The following CHL1 variants were observed in gnomAD, a reference collection of about 807,000 sequenced individuals.
The protein encoded by CHL1 is cell adhesion molecule L1 like.
CHL1 carries 96 observed loss-of-function variants against 141.9 expected under a neutral mutation model. The ratio of observed to expected loss-of-function variants is 0.68; its 90% CI spans 0.57 to 0.80. CHL1 has a LOEUF of 0.80. Among genes scored for constraint, CHL1 ranks in the 30% least tolerant of loss-of-function variants. The pLI is 0.00. For missense variants in CHL1, 1,820 were observed against 1,457.2 expected (o/e 1.25, Z -4.05); for synonymous variants, 613 against 502.2 (o/e 1.22, Z -2.95).
At chr3:387,132 T>C (rs529036709) in intron 19 of CHL1, among the ~76,000 whole-genome samples, 10 of 152,208 alleles carry the variant, frequency 6.6e-5, no homozygotes, top group Non-Finnish European at 1.3e-4. Context: ...GGGTCATAGA[T>C]CTCTTTGAAA....
chr3:356,255 A>C (rs1017589254), intron 11 of CHL1, among the ~76,000 whole-genome samples: 3 of 152,224 alleles, frequency 2.0e-5, no homozygotes, highest in Non-Finnish European at 4.4e-5. Flanking sequence ...AAAAGTAAGG[A>C]ACGCAGATTC....
intron 2 of CHL1, among the ~76,000 whole-genome samples, chr3:300,874 A>G (rs555808302): frequency 1.3e-5 from 2 of 152,316 alleles, no homozygotes; most frequent in Admixed American, 1.3e-4. Context: ...CCATCTAGGC[A>G]AAAGGTGATG....
chr3:229,915 A>G (rs955409858), intron 1 of CHL1, among the ~76,000 whole-genome samples: 1 of 152,098 alleles, frequency 6.6e-6, no homozygotes, highest in Non-Finnish European at 1.5e-5. Context: ...TCCGGAGCAC[A>G]TGGTCTCTCA....
intron 5 of CHL1, among the ~76,000 whole-genome samples, chr3:329,411 G>T (rs1370803983): frequency 6.6e-6 from 1 of 152,022 alleles, no homozygotes; most frequent in East Asian, 1.9e-4. Flanking sequence ...AGAGGGCATT[G>T]TATTTAAATT....
chr3:253,312 G>A (rs1011089462), intron 2 of CHL1, among the ~76,000 whole-genome samples: 2 of 152,098 alleles, frequency 1.3e-5, no homozygotes, highest in Non-Finnish European at 2.9e-5. Context: ...CAGTTAATGC[G>A]AGTTAGGTTG....
intron 2 of CHL1, among the ~76,000 whole-genome samples, chr3:256,589 A>G (rs1294821113): frequency 6.6e-6 from 1 of 152,184 alleles, no homozygotes; most frequent in African/African-American, 2.4e-5. Flanking sequence ...AGATGCTGCT[A>G]CATGTTCTGC....
At chr3:228,353 C>A (rs1245163119) in intron 1 of CHL1, among the ~76,000 whole-genome samples, 1 of 152,104 alleles carries the variant, frequency 6.6e-6, no homozygotes, top group Non-Finnish European at 1.5e-5. Context: ...CCCCAACCAC[C>A]AGAAAAATAT....
At chr3:331,658 A>G (rs1475900885) in intron 5 of CHL1, among the ~76,000 whole-genome samples, 1 of 152,210 alleles carries the variant, frequency 6.6e-6, no homozygotes, top group Non-Finnish European at 1.5e-5. Context: ...GAAAGTACAA[A>G]CAAAAATAAG....
chr3:233,671 C>A (rs941971019), intron 1 of CHL1, among the ~76,000 whole-genome samples: 1 of 152,096 alleles, frequency 6.6e-6, no homozygotes, highest in Non-Finnish European at 1.5e-5. Flanking sequence ...ATTAAGCTCA[C>A]ATTCTATAAA....
At chr3:334,852 CCTTCCCGTT>C (rs931351749) in intron 5 of CHL1, among the ~76,000 whole-genome samples, 19 of 152,080 alleles carry the variant, frequency 1.2e-4, no homozygotes, top group African/African-American at 4.6e-4. Context: ...ACTGTCATAT[CCTTCCCGTT>C]CTGCATTGCC....
intron 5 of CHL1, 104 bp downstream of exon 5, chr3:328,458 A>G: frequency 1.1e-6 from 1 of 913,462 alleles, no homozygotes; most frequent in Admixed American, 2.9e-5. Flanking sequence ...AACTAAATCA[A>G]CTTATATGTG....
At chr3:284,310 G>T (rs1559198766) in intron 2 of CHL1, among the ~76,000 whole-genome samples, 1 of 152,146 alleles carries the variant, frequency 6.6e-6, no homozygotes, top group Non-Finnish European at 1.5e-5. Context: ...ACAAAGATGT[G>T]AAAAATTTAT....
chr3:214,662 A>G (rs1700162430), intron 1 of CHL1, among the ~76,000 whole-genome samples: 1 of 152,194 alleles, frequency 6.6e-6, no homozygotes, highest in Non-Finnish European at 1.5e-5. Flanking sequence ...TTAGTAGTAG[A>G]TGTCCTTACT....
In CHL1 at chr3:342,015, C is replaced by G; in HGVS notation, c.612C>G (p.Cys204Trp). Residue 204 changes from cysteine (C) to tryptophan (W), a missense_variant, in exon 7 of 28, where the codon TGC becomes TGG. By Grantham distance (215) the Cys-to-Trp change is radical (BLOSUM62 -2). Coordinates refer to ENST00000256509, the MANE Select transcript of CHL1 (RefSeq NM_006614.4). ...AGGACAGTCGCAATGACTACTGTTG[C>G]TTTGCTGCATTTCCAAGATTAAGGA... The part of the protein sequence containing the change: ...EEKDSRNDYC[C>W]FAAFPRLRTI... 1 of 1,613,616 alleles carries G rather than the reference C, an allele frequency of 6.2e-7. No individual in the cohort carries two copies. Among genetic ancestry groups the G allele is most frequent in the Non-Finnish European group, 8.5e-7 (1 of 1,179,624 alleles).
At chr3:228,430 C>T (rs1002119833) in intron 1 of CHL1, among the ~76,000 whole-genome samples, 2 of 152,074 alleles carry the variant, frequency 1.3e-5, no homozygotes. Flanking sequence ...AAGGGGATCC[C>T]TGCACATGGA....
intron 1 of CHL1, among the ~76,000 whole-genome samples, chr3:203,972 A>G (rs1699184243): frequency 6.6e-6 from 1 of 152,230 alleles, no homozygotes. Context: ...ATTGACAAAA[A>G]CAGTACAAAA....
chr3:389,084 T>C (rs973081155), intron 19 of CHL1, among the ~76,000 whole-genome samples, 168 bp from the exon 20 acceptor site: 7 of 152,230 alleles, frequency 4.6e-5, no homozygotes, highest in African/African-American at 1.4e-4. Context: ...GCTCATATGA[T>C]GACAAAACTT....
intron 2 of CHL1, among the ~76,000 whole-genome samples, chr3:314,345 A>C (rs1228626307): frequency 0.025 from 2,412 of 97,248 alleles, 163 homozygotes; most frequent in African/African-American, 0.1. Flanking sequence ...ATATATATAT[A>C]TATATATATA....
At chr3:371,673 A>T (rs947002097) in intron 15 of CHL1, among the ~76,000 whole-genome samples, 1 of 152,142 alleles carries the variant, frequency 6.6e-6, no homozygotes, top group African/African-American at 2.4e-5. Flanking sequence ...CATTTTGCTC[A>T]TTAGTTGGTG....
Sources: gnomAD v4.1 joint callset for allele counts (sites outside exome capture counted in the v4.1 genomes callset) on GRCh38, gnomAD v4.1.1 for gene constraint, MANE v1.5 for transcripts, NCBI Gene and HGNC (gene_info 2026-07-23, HGNC 2026-07-21) for gene names.